AGTPBP1: variants seen among roughly 807,000 people sequenced by gnomAD.
AGTPBP1 encodes cytosolic carboxypeptidase 1.
AGTPBP1 carries 70 observed loss-of-function variants against 143.9 expected under a neutral mutation model. The observed-to-expected ratio is 0.49, with a 90% CI of 0.40 to 0.59. The LOEUF (loss-of-function observed/expected upper bound fraction) is 0.59, where lower values mean the gene tolerates loss of function less well. Among genes scored for constraint, AGTPBP1 ranks in the 20% least tolerant of loss-of-function variants. The pLI is 0.00. For synonymous variants in AGTPBP1, 463 were observed against 500.2 expected (o/e 0.93, Z 0.99); for missense variants, 1,229 against 1,464.5 (o/e 0.84, Z 2.62).
intron 2 of AGTPBP1, among the ~76,000 whole-genome samples, chr9:85,711,443 T>C (rs1456373454): frequency 6.8e-6 from 1 of 146,642 alleles, no homozygotes; most frequent in East Asian, 1.9e-4. Flanking sequence ...TTTTCTTTCT[T>C]TTTTTTTTTT....
chr9:85,557,015 TAATATG>T (rs1198781248), intron 25 of AGTPBP1, among the ~76,000 whole-genome samples: 1 of 151,548 alleles, frequency 6.6e-6, no homozygotes, highest in Non-Finnish European at 1.5e-5. Flanking sequence ...CATTCTTCTC[TAATATG>T]AATATAACAC....
chr9:85,583,112 C>A (rs1259786772), intron 23 of AGTPBP1, among the ~76,000 whole-genome samples: 1 of 152,128 alleles, frequency 6.6e-6, no homozygotes, highest in Non-Finnish European at 1.5e-5. Flanking sequence ...GCAAGGAACA[C>A]AGACATGCTA....
chr9:85,685,429 A>T (rs1036507861), intron 3 of AGTPBP1, among the ~76,000 whole-genome samples: 3 of 152,098 alleles, frequency 2.0e-5, no homozygotes, highest in Admixed American at 6.5e-5. Flanking sequence ...CAGAGTTCTC[A>T]TTTGAAATTA....
At chr9:85,575,565 C>T in intron 24 of AGTPBP1, 90 bp from the exon 25 acceptor site, 1 of 1,072,336 alleles carries the variant, frequency 9.3e-7, no homozygotes, top group South Asian at 2.0e-5. Flanking sequence ...GAATTTATAA[C>T]TATATTAATA....
intron 17 of AGTPBP1, among the ~76,000 whole-genome samples, chr9:85,612,143 T>C (rs900414962): frequency 4.6e-5 from 7 of 152,168 alleles, no homozygotes; most frequent in Admixed American, 3.9e-4. Context: ...GACAAAGAGC[T>C]TCTAAATCTC....
At position 85,741,913 on chromosome 9, in the gene AGTPBP1, G is replaced by A; in HGVS notation, c.-172C>T. The stretch of plus-strand genomic sequence containing the variant: ...GGTGGCAGGCGAGGCGGAGGCGGCG[G>A]CGGCGGCAGCTGCGGCGGCGGCGCT... On this transcript the variant is annotated 5_prime_UTR_variant, in exon 1 of 26. Transcript: ENST00000357081. The A allele has an allele frequency of 7.5e-7, 1 of 1,329,026 alleles. No individual in the cohort carries two copies. Among genetic ancestry groups the A allele is most frequent in the Non-Finnish European group, 9.6e-7 (1 of 1,044,052 alleles). 82.3% of individuals were successfully genotyped at this position (1,329,026 alleles called of 1,614,324 possible).
intron 1 of AGTPBP1, among the ~76,000 whole-genome samples, chr9:85,721,445 T>C (rs956570051): frequency 3.3e-5 from 5 of 152,140 alleles, no homozygotes; most frequent in Non-Finnish European, 7.3e-5. Context: ...TTGATCTTTG[T>C]TGGTTTAAAG....
At chr9:85,672,274 G>A (rs189296677) in intron 7 of AGTPBP1, among the ~76,000 whole-genome samples, 181 of 152,086 alleles carry the variant, frequency 1.2e-3, no homozygotes, top group Non-Finnish European at 2.0e-3. Flanking sequence ...TCCCCATGTC[G>A]GTCAGGCTGG....
chr9:85,786,830 A>C, the AGTPBP1 span, among the ~76,000 whole-genome samples: 3 of 152,230 alleles, frequency 2.0e-5, no homozygotes, highest in Non-Finnish European at 4.4e-5. Context: ...TTACATTTAT[A>C]AATACGCTTA....
intron 14 of AGTPBP1, among the ~76,000 whole-genome samples, chr9:85,628,627 C>A (rs1831453005): frequency 1.3e-5 from 2 of 152,168 alleles, no homozygotes; most frequent in Admixed American, 6.5e-5. Context: ...TTCTCAAATG[C>A]ATTTTGGAGC....
At chr9:85,738,150 A>G (rs1823937446) in intron 1 of AGTPBP1, among the ~76,000 whole-genome samples, 1 of 152,222 alleles carries the variant, frequency 6.6e-6, no homozygotes, top group Non-Finnish European at 1.5e-5. Flanking sequence ...GACAATTTAT[A>G]TTTCCCTTTT....
At chr9:85,755,206 A>G in the AGTPBP1 span, among the ~76,000 whole-genome samples, 1 of 152,112 alleles carries the variant, frequency 6.6e-6, no homozygotes, top group Non-Finnish European at 1.5e-5. Context: ...GATTTCCAGA[A>G]ACCCTTTCTA....
At chr9:85,574,142 C>T (rs1333775576) in intron 25 of AGTPBP1, among the ~76,000 whole-genome samples, 3 of 152,070 alleles carry the variant, frequency 2.0e-5, no homozygotes, top group Non-Finnish European at 4.4e-5. Context: ...ATTCTTCTGC[C>T]TTGGGATCCT....
chr9:85,746,689 G>A (rs2134920755), upstream of AGTPBP1, among the ~76,000 whole-genome samples: 1 of 151,882 alleles, frequency 6.6e-6, no homozygotes, highest in Middle Eastern at 3.4e-3. Context: ...GAGACTTAGT[G>A]TACAGCATGA....
At chr9:85,586,328 CAAAG>C (rs1828605618) in intron 22 of AGTPBP1, among the ~76,000 whole-genome samples, 1 of 151,750 alleles carries the variant, frequency 6.6e-6, no homozygotes, top group African/African-American at 2.4e-5. Context: ...TAAATAAAAA[CAAAG>C]GACATGTCAA....
At chr9:85,722,853 G>A (rs1175755072) in intron 1 of AGTPBP1, among the ~76,000 whole-genome samples, 1 of 152,150 alleles carries the variant, frequency 6.6e-6, no homozygotes, top group Non-Finnish European at 1.5e-5. Context: ...TACAGGTGGG[G>A]TTTTGAGGTG....
the AGTPBP1 span, among the ~76,000 whole-genome samples, chr9:85,753,614 T>C: frequency 1.3e-5 from 2 of 152,152 alleles, no homozygotes; most frequent in Non-Finnish European, 2.9e-5. Context: ...TAGCCAGTCT[T>C]GGTGGCGGGT....
chr9:85,600,393 G>C (rs1312966034), intron 17 of AGTPBP1, among the ~76,000 whole-genome samples: 1 of 152,140 alleles, frequency 6.6e-6, no homozygotes, highest in African/African-American at 2.4e-5. Flanking sequence ...TGGCTGACTA[G>C]AGGCATCTGG....
At chr9:85,560,978 T>C (rs1826674702) in intron 25 of AGTPBP1, among the ~76,000 whole-genome samples, 2 of 152,122 alleles carry the variant, frequency 1.3e-5, no homozygotes, top group Admixed American at 1.3e-4. Flanking sequence ...TTTAAGAAAC[T>C]TTGGGAACCC....
Sources: allele counts gnomAD v4.1 joint callset (sites outside exome capture counted in the v4.1 genomes callset), GRCh38; gene constraint gnomAD v4.1.1; transcripts MANE v1.5; gene names NCBI Gene and HGNC (gene_info 2026-07-23, HGNC 2026-07-21).